CDH6: variants seen among roughly 807,000 people sequenced by gnomAD.
CDH6 encodes cadherin 6.
In CDH6, 31 loss-of-function variants were observed where a neutral mutation model predicts 78.0. That is an observed-to-expected ratio of 0.40 (90% CI 0.30 to 0.54). The LOEUF is 0.54. Among genes scored for constraint, CDH6 ranks in the 20% least tolerant of loss-of-function variants. CDH6 has a pLI of 0.56. For missense variants in CDH6, 724 were observed against 975.9 expected (o/e 0.74, Z 3.44); for synonymous variants, 376 against 368.8 (o/e 1.02, Z -0.23).
chr5:31,241,182 T>G (rs934809186), intron 1 of CDH6, among the ~76,000 whole-genome samples: 2 of 152,342 alleles, frequency 1.3e-5, no homozygotes, highest in Middle Eastern at 3.4e-3. Context: ...TCAGCCCATC[T>G]TTGCTGGCCA....
intron 11 of CDH6, among the ~76,000 whole-genome samples, chr5:31,320,796 T>C (rs1309359247): frequency 5.3e-5 from 8 of 152,192 alleles, no homozygotes; most frequent in East Asian, 1.9e-4. Flanking sequence ...TAATCCAACA[T>C]GGTGAAACCT....
intron 1 of CDH6, among the ~76,000 whole-genome samples, chr5:31,218,702 C>CT: frequency 6.6e-6 from 1 of 152,282 alleles, no homozygotes; most frequent in South Asian, 2.1e-4. Context: ...TTATTTCCCC[C>CT]TGCCCAAACT....
intron 1 of CDH6, among the ~76,000 whole-genome samples, chr5:31,221,847 C>T (rs778350655): frequency 7.2e-5 from 11 of 151,956 alleles, no homozygotes; most frequent in Non-Finnish European, 1.6e-4. Flanking sequence ...TTGGCCATTA[C>T]GAGTTAGGAG....
At chr5:31,212,788 C>A (rs1420230234) in intron 1 of CDH6, among the ~76,000 whole-genome samples, 1 of 150,914 alleles carries the variant, frequency 6.6e-6, no homozygotes, top group Non-Finnish European at 1.5e-5. Context: ...ACACACACAG[C>A]TCCACCACCA....
In CDH6 at chr5:31,267,330, T is replaced by C; in HGVS notation, c.-128-16T>C. Reference sequence around the variant, plus strand: ...AGCATCTCTAAAAATGCTTGTTATGTTATTATTCTTTCCAGATATCCTCTG... The same window carrying C: ...AGCATCTCTAAAAATGCTTGTTATGCTATTATTCTTTCCAGATATCCTCTG... On this transcript the variant is annotated splice_polypyrimidine_tract_variant and intron_variant, in intron 1 of 11. Coordinates refer to ENST00000265071, the MANE Select transcript of CDH6 (RefSeq NM_004932.4). The C allele has an allele frequency of 3.2e-6, 2 of 627,134 alleles. No individual in the cohort carries two copies. Among genetic ancestry groups the C allele is most frequent in the Non-Finnish European group, 5.7e-6 (2 of 353,948 alleles). 38.8% of individuals were successfully genotyped at this position (627,134 alleles called of 1,614,324 possible). A position where few individuals can be genotyped will look rare whatever the true frequency, so the allele number is the denominator to read the frequency against.
At chr5:31,230,606 T>C (rs55893892) in intron 1 of CDH6, among the ~76,000 whole-genome samples, 12,906 of 152,168 alleles carry the variant, frequency 0.085, 688 homozygotes, top group South Asian at 0.26. Context: ...AAGAAACTTA[T>C]AGGCAAAGCA....
Position 31,262,641 on chromosome 5 carries a change from A to C in CDH6, c.-128-4705A>C, listed in dbSNP as rs190063191. ...AGGGAATGCAGGGTAGGGTGAGGGC[A>C]GAAAAAAGGTTCAACATCTACTTCG... is the stretch of plus-strand genomic sequence containing the variant. On this transcript the variant is annotated intron_variant, in intron 1 of 11. Transcript: ENST00000265071. Among the ~76,000 whole-genome samples the C allele has an allele frequency of 3.1e-3, 474 of 152,318 alleles. 14 individuals carry two copies. Among genetic ancestry groups the C allele is most frequent in the East Asian group, 1.7e-3 (9 of 5,182 alleles).
At chr5:31,194,838 C>T (rs1018244857) in intron 1 of CDH6, among the ~76,000 whole-genome samples, 1 of 152,166 alleles carries the variant, frequency 6.6e-6, no homozygotes, top group African/African-American at 2.4e-5. Flanking sequence ...GCTGAGATTA[C>T]TTCTTCCGTA....
intron 2 of CDH6, among the ~76,000 whole-genome samples, chr5:31,276,748 C>T (rs1742707153): frequency 6.6e-6 from 1 of 152,208 alleles, no homozygotes; most frequent in Non-Finnish European, 1.5e-5. Flanking sequence ...CTTCTGACTA[C>T]GTGTGTAATA....
rs138413552 is a variant in CDH6 at position 31,297,289 on chromosome 5, G to A, written c.524G>A (p.Gly175Asp). 1.4e-4 allele frequency: 224 copies of A among 1,610,992 alleles called. No individual in the cohort carries two copies. In the East Asian group the frequency reaches 4.9e-3, roughly 35 times the overall value. Residue 175 changes from glycine (G) to aspartate (D), a missense_variant and splice_region_variant, in exon 4 of 12, where the codon GGT (glycine) becomes GAT (aspartate). Around this residue, in one of 3 missense-constraint regions of CDH6, gnomAD observed 446 missense variants for 684.5 expected, o/e 0.65. Coordinates refer to ENST00000265071, the MANE Select transcript of CDH6 (RefSeq NM_004932.4). ...TCAGTTTATATTTCTGTCATTACAG[G>A]TACATTTGTTGTCCAAGTCACTGCG... Reference protein sequence around the residue: ...TATVPEMSDVGTFVVQVTATD... With the variant: ...TATVPEMSDVDTFVVQVTATD...
intron 1 of CDH6, among the ~76,000 whole-genome samples, chr5:31,235,239 T>TC (rs980827275): frequency 7.0e-6 from 1 of 142,934 alleles, no homozygotes; most frequent in African/African-American, 2.8e-5. Context: ...CCTTTTTCTT[T>TC]TTTTTTTTTT....
rs75394658 is a variant in CDH6, at chr5:31,324,908, A to G, written c.*1600A>G. The G allele has an allele frequency of 5.7e-3, 1,152 of 200,534 alleles. 19 individuals are homozygous for G. The highest frequency in any genetic ancestry group is 0.045 in the East Asian group (586 of 12,932). The allele number at this position is 200,534 out of a possible 1,614,324, so 12.4% of individuals were successfully genotyped here. On this transcript the variant is annotated 3_prime_UTR_variant, in exon 12 of 12. Transcript: ENST00000265071. ...GAAAACATCCTTGTTTTGAAAACCT[A>G]AAAGACAGGCTCTGTATATATATAT... is the stretch of plus-strand genomic sequence containing the variant.
intron 1 of CDH6, among the ~76,000 whole-genome samples, chr5:31,261,394 G>T: frequency 6.6e-6 from 1 of 152,164 alleles, no homozygotes; most frequent in East Asian, 1.9e-4. Context: ...ATGCTAAAAA[G>T]AGTTCTATAT....
intron 1 of CDH6, among the ~76,000 whole-genome samples, chr5:31,219,845 A>G (rs7723322): frequency 0.27 from 41,660 of 152,110 alleles, 5,975 homozygotes; most frequent in Non-Finnish European, 0.31. Flanking sequence ...TGCACTATCA[A>G]TCAACCATCA....
intron 2 of CDH6, among the ~76,000 whole-genome samples, chr5:31,283,717 G>C (rs982111808): frequency 6.6e-6 from 1 of 151,936 alleles, no homozygotes; most frequent in African/African-American, 2.4e-5. Flanking sequence ...AATATGGGGG[G>C]TCATAAGAGC....
intron 1 of CDH6, among the ~76,000 whole-genome samples, chr5:31,248,922 TC>T (rs1400589138): frequency 1.3e-5 from 2 of 152,086 alleles, no homozygotes; most frequent in Admixed American, 6.6e-5. Flanking sequence ...GATCTTAGTC[TC>T]CCCCTTCATC....
intron 1 of CDH6, among the ~76,000 whole-genome samples, chr5:31,202,323 T>C (rs1452345629): frequency 6.6e-6 from 1 of 152,228 alleles, no homozygotes; most frequent in Non-Finnish European, 1.5e-5. Flanking sequence ...GTCTCATTAA[T>C]CTACTAGCAT....
At chr5:31,250,292 G>C (rs1349468788) in intron 1 of CDH6, 1 of 152,316 alleles carries the variant, frequency 6.6e-6, no homozygotes, top group African/African-American at 2.4e-5. Context: ...CCTAGCAGTG[G>C]GGTCACTTCC....
At chr5:31,306,273 T>G (rs1737987353) in intron 7 of CDH6, among the ~76,000 whole-genome samples, 1 of 152,188 alleles carries the variant, frequency 6.6e-6, no homozygotes, top group Non-Finnish European at 1.5e-5. Flanking sequence ...CTAGGGAAAT[T>G]AATACAACAG....
Sources: gnomAD v4.1 joint callset for allele counts (sites outside exome capture counted in the v4.1 genomes callset) on GRCh38, gnomAD v4.1.1 for gene constraint, gnomAD v4.1.1 regional missense constraint, MANE v1.5 for transcripts, NCBI Gene and HGNC (gene_info 2026-07-23, HGNC 2026-07-21) for gene names.